ADAMTS16: variants seen among roughly 807,000 people sequenced by gnomAD.
ADAMTS16 encodes the protein ADAM metallopeptidase with thrombospondin type 1 motif 16, also known as A disintegrin and metalloproteinase with thrombospondin motifs 16.
In ADAMTS16, 94 loss-of-function variants were observed where a neutral mutation model predicts 145.8. The observed-to-expected ratio is 0.64, with a 90% CI of 0.55 to 0.77. The LOEUF is 0.77. ADAMTS16 is among the 30% of genes least tolerant of loss of function. The probability of loss-of-function intolerance (pLI) is 0.00; values close to 1 mark genes in which losing one functional copy is unlikely to be tolerated. For missense variants in ADAMTS16, 1,585 were observed against 1,591.5 expected, an observed-to-expected ratio of 1.00 and a Z score of 0.07; for synonymous variants, 659 against 604.3, an observed-to-expected ratio of 1.09 and a Z score of -1.33.
rs985093937 is a variant in ADAMTS16, at chr5:5,318,050, C to A, written c.3412-84C>A. ...TCCCTCACTGGCCTGCAGCAGCAGG[C>A]CTTTTAGAAAGGTGGGCACACTGAG... On this transcript the variant is annotated intron_variant, in intron 21 of 22. Transcript: ENST00000274181. The A allele has an allele frequency of 2.1e-5, 27 of 1,265,158 alleles. No individual in the cohort carries two copies. In the African/African-American group the frequency reaches 4.2e-4, roughly 20 times the overall value. 78.4% of individuals were successfully genotyped at this position (1,265,158 alleles called of 1,614,324 possible).
At chr5:5,287,083 CAA>C (rs1226561034) in intron 18 of ADAMTS16, among the ~76,000 whole-genome samples, 2 of 152,060 alleles carry the variant, frequency 1.3e-5, no homozygotes, top group Non-Finnish European at 2.9e-5. Flanking sequence ...TCTACCTACT[CAA>C]TATATTCATT....
chr5:5,265,576 T>C (rs1420639707), intron 18 of ADAMTS16, among the ~76,000 whole-genome samples: 7 of 152,178 alleles, frequency 4.6e-5, no homozygotes, highest in Admixed American at 3.3e-4. Flanking sequence ...TAAGAGGGGC[T>C]GGGGTTATCT....
At chr5:5,197,570 A>G (rs948857830) in intron 8 of ADAMTS16, among the ~76,000 whole-genome samples, 41 of 152,230 alleles carry the variant, frequency 2.7e-4, no homozygotes, top group African/African-American at 9.6e-4. Flanking sequence ...TTATGACTTT[A>G]GCAAATGGGA....
chr5:5,147,011 C>T (rs1734316817), intron 3 of ADAMTS16, among the ~76,000 whole-genome samples: 1 of 152,106 alleles, frequency 6.6e-6, no homozygotes, highest in African/African-American at 2.4e-5. Context: ...CCATGTCCTG[C>T]ATATCGGGTT....
chr5:5,168,948 T>C (rs1560932149), intron 3 of ADAMTS16, among the ~76,000 whole-genome samples: 1 of 151,462 alleles, frequency 6.6e-6, no homozygotes, highest in Non-Finnish European at 1.5e-5. Context: ...CTCTCAATAG[T>C]ACTGTGCAGT....
In ADAMTS16 at chr5:5,140,428, G is replaced by A; in HGVS notation, c.-40G>A. ...TGCCCGCTCGCACGCTGCCGGCCGG[G>A]GACCCTCCGGTGGCCCCTAGCCCCT... On this transcript the variant is annotated 5_prime_UTR_variant, in exon 1 of 23. Transcript: ENST00000274181. 1 of 1,488,494 alleles carries A rather than the reference G, an allele frequency of 6.7e-7. No homozygotes were observed. Among genetic ancestry groups the A allele is most frequent in the African/African-American group, 1.5e-5 (1 of 68,490 alleles). The allele number at this position is 1,488,494 out of a possible 1,614,324, so 92.2% of individuals were successfully genotyped here.
chr5:5,215,868 G>GTGTA (rs1553991470), intron 10 of ADAMTS16, among the ~76,000 whole-genome samples: 54 of 51,080 alleles, frequency 1.1e-3, no homozygotes, highest in African/African-American at 2.6e-3. Context: ...TGGTGTGTAT[G>GTGTA]TGTATATATA....
intron 3 of ADAMTS16, among the ~76,000 whole-genome samples, chr5:5,165,607 G>A (rs1734854210): frequency 6.6e-6 from 1 of 152,166 alleles, no homozygotes; most frequent in African/African-American, 2.4e-5. Context: ...GATATCAACA[G>A]CAAAACCGGT....
At chr5:5,262,414 G>GATAATATAA (rs1469596373) in intron 17 of ADAMTS16, among the ~76,000 whole-genome samples, 1 of 152,216 alleles carries the variant, frequency 6.6e-6, no homozygotes, top group East Asian at 1.9e-4. Context: ...TGACTTTAAA[G>GATAATATAA]ATGTTAATAT....
At chr5:5,293,000 C>T (rs971550527) in intron 18 of ADAMTS16, among the ~76,000 whole-genome samples, 1 of 152,138 alleles carries the variant, frequency 6.6e-6, no homozygotes, top group Admixed American at 6.5e-5. Flanking sequence ...GAGGGCAAGG[C>T]ACAGGCAGTG....
chr5:5,289,613 A>G (rs1739225200), intron 18 of ADAMTS16, among the ~76,000 whole-genome samples: 1 of 152,212 alleles, frequency 6.6e-6, no homozygotes, highest in Non-Finnish European at 1.5e-5. Context: ...AGATATGTCC[A>G]GTTCGATTAT....
At chr5:5,192,813 G>A (rs1477591534) in intron 8 of ADAMTS16, among the ~76,000 whole-genome samples, 1 of 152,184 alleles carries the variant, frequency 6.6e-6, no homozygotes, top group Non-Finnish European at 1.5e-5. Context: ...TCTGTGAGCT[G>A]CTTTACCTTG....
intron 18 of ADAMTS16, among the ~76,000 whole-genome samples, chr5:5,290,522 G>A (rs1739266629): frequency 6.6e-6 from 1 of 152,166 alleles, no homozygotes; most frequent in Non-Finnish European, 1.5e-5. Context: ...GGACGTGGTG[G>A]TGCATACCTG....
intron 18 of ADAMTS16, among the ~76,000 whole-genome samples, chr5:5,301,056 T>TTTTA (rs1560997024): frequency 6.6e-6 from 1 of 152,098 alleles, no homozygotes; most frequent in Non-Finnish European, 1.5e-5. Context: ...GAATTTTTAT[T>TTTTA]TTTATTTATT....
chr5:5,174,114 C>T (rs1278845852), intron 3 of ADAMTS16, among the ~76,000 whole-genome samples: 2 of 152,156 alleles, frequency 1.3e-5, no homozygotes, highest in African/African-American at 4.8e-5. Context: ...TTCTCTTTAT[C>T]ATTTCTTGGA....
chr5:5,249,851 G>A (rs2126406459), intron 17 of ADAMTS16, among the ~76,000 whole-genome samples: 1 of 152,222 alleles, frequency 6.6e-6, no homozygotes. Context: ...TGAACATGGA[G>A]GACTTTACTG....
Position 5,303,702 on chromosome 5 carries a change from C to A in ADAMTS16, c.3122C>A (p.Ala1041Asp). ...GAGCCCAAGCCCAGGATGCATGAAGCCTGTCTGCTTCAGCGCTGCCACAAG... is the reference window on the plus strand; with the variant it reads ...GAGCCCAAGCCCAGGATGCATGAAGACTGTCTGCTTCAGCGCTGCCACAAG... ...TSEPKPRMHE[A>D]CLLQRCHKPK... Residue 1041 changes from alanine (A) to aspartate (D), a missense_variant, in exon 20 of 23, where the codon GCC becomes GAC. By Grantham distance (126) the Ala-to-Asp change is moderately radical. Transcript: ENST00000274181. 1 of 1,613,658 alleles carries A rather than the reference C, an allele frequency of 6.2e-7. No homozygotes were observed. The highest frequency in any genetic ancestry group is 1.1e-5 in the South Asian group (1 of 91,060).
At chr5:5,231,785 C>T (rs930337310) in intron 11 of ADAMTS16, among the ~76,000 whole-genome samples, 12 of 152,290 alleles carry the variant, frequency 7.9e-5, no homozygotes, top group African/African-American at 2.9e-4. Context: ...CTCCAGCCTT[C>T]GTGGGGACAG....
chr5:5,187,921 A>G (rs1221989675), intron 6 of ADAMTS16, 113 bp downstream of exon 6: 13 of 642,402 alleles, frequency 2.0e-5, no homozygotes, highest in Admixed American at 3.5e-5. Context: ...CGAGGGCAAA[A>G]TGTATTTAAT....
Sources: allele counts gnomAD v4.1 joint callset (sites outside exome capture counted in the v4.1 genomes callset), GRCh38; gene constraint gnomAD v4.1.1; transcripts MANE v1.5; gene names NCBI Gene and HGNC (gene_info 2026-07-23, HGNC 2026-07-21).